The following JAKMIP3 variants were observed in gnomAD, a reference collection of about 807,000 sequenced individuals.
The protein encoded by JAKMIP3 is Janus kinase and microtubule interacting protein 3, also known as janus kinase and microtubule-interacting protein 3.
In JAKMIP3, 58 loss-of-function variants were observed where a neutral mutation model predicts 118.5. The ratio of observed to expected loss-of-function variants is 0.49; its 90% CI spans 0.40 to 0.61. The LOEUF (loss-of-function observed/expected upper bound fraction) is 0.61. JAKMIP3 is among the 20% of genes least tolerant of loss of function. JAKMIP3 has a pLI of 0.00. For missense variants in JAKMIP3, 950 were observed against 1,109.0 expected (o/e 0.86, Z 2.04); for synonymous variants, 486 against 451.2 (o/e 1.08, Z -0.98).
chr10:132,152,184 C>T (rs1022268760), intron 16 of JAKMIP3, among the ~76,000 whole-genome samples: 1 of 152,186 alleles, frequency 6.6e-6, no homozygotes, highest in Non-Finnish European at 1.5e-5. Context: ...CAGACTGAGC[C>T]TGACTCCCCC....
At chr10:132,057,485 T>C (rs7075825) in intron 1 of JAKMIP3, among the ~76,000 whole-genome samples, 144,858 of 152,312 alleles carry the variant, frequency 0.95, 68,969 homozygotes, top group East Asian at 1. Flanking sequence ...GAAGGATAAA[T>C]GTGGGATGCT....
chr10:132,096,700 TC>T (rs2043912963), intron 1 of JAKMIP3, among the ~76,000 whole-genome samples: 1 of 152,208 alleles, frequency 6.6e-6, no homozygotes, highest in African/African-American at 2.4e-5. Context: ...GACATACTTT[TC>T]CCTGCTCCCC....
At chr10:132,047,883 C>G (rs2037972080) in intron 1 of JAKMIP3, among the ~76,000 whole-genome samples, 1 of 152,164 alleles carries the variant, frequency 6.6e-6, no homozygotes, top group Admixed American at 6.5e-5. Context: ...CCCGCCCCGC[C>G]CCCCGCGAGC....
chr10:132,038,884 G>T (rs1396217409), intron 1 of JAKMIP3, among the ~76,000 whole-genome samples: 8 of 151,960 alleles, frequency 5.3e-5, no homozygotes, highest in Non-Finnish European at 1.0e-4. Context: ...GGGTGTGGGT[G>T]TCCCCCTGTT....
chr10:132,163,314 G>A lies in JAKMIP3; in HGVS notation c.2326G>A (p.Ala776Thr). Residue 776 changes from alanine to threonine, a missense_variant, in exon 20 of 24, where the codon GCC becomes ACC. Coordinates refer to ENST00000684848, the MANE Select transcript of JAKMIP3 (RefSeq NM_001323087.2). ...SEEEREKLKV[A>T]VEQWKRQVMS... ...GGAGGAGCGCGAGAAGCTCAAGGTG[G>A]CCGTGGAGCAGTGGAAGCGCCAGGT... 6.2e-7 allele frequency: 1 copy of A among 1,608,832 alleles called. No individual in the cohort carries two copies. Among genetic ancestry groups the A allele is most frequent in the Non-Finnish European group, 8.5e-7 (1 of 1,178,864 alleles).
chr10:132,141,222 A>G (rs1486340530), intron 10 of JAKMIP3, among the ~76,000 whole-genome samples: 1 of 152,198 alleles, frequency 6.6e-6, no homozygotes, highest in Non-Finnish European at 1.5e-5. Context: ...CCCAATGGCC[A>G]TAGACCTGTT....
At chr10:132,176,769 C>A (rs1359493244) in intron 23 of JAKMIP3, among the ~76,000 whole-genome samples, 2 of 151,994 alleles carry the variant, frequency 1.3e-5, no homozygotes, top group Non-Finnish European at 2.9e-5. Context: ...TTTACCTCCC[C>A]TCTGGTGGAC....
intron 3 of JAKMIP3, among the ~76,000 whole-genome samples, chr10:132,132,455 C>T (rs763464731): frequency 2.6e-5 from 4 of 152,060 alleles, no homozygotes; most frequent in Non-Finnish European, 4.4e-5. Context: ...CATTCCTGCC[C>T]GGAAGCGGGG....
At chr10:132,122,637 G>T (rs550559087) in intron 3 of JAKMIP3, among the ~76,000 whole-genome samples, 3 of 152,378 alleles carry the variant, frequency 2.0e-5, no homozygotes, top group Admixed American at 2.0e-4. Context: ...GAGGGCTCAG[G>T]GTCTCAGAGA....
intron 1 of JAKMIP3, among the ~76,000 whole-genome samples, chr10:132,085,465 T>G (rs1589776254): frequency 6.6e-6 from 1 of 152,132 alleles, no homozygotes; most frequent in Non-Finnish European, 1.5e-5. Flanking sequence ...TCTTCTTTTC[T>G]TGGTTAATCT....
intron 2 of JAKMIP3, among the ~76,000 whole-genome samples, chr10:132,109,069 C>CACAT (rs1256132799): frequency 1.5e-3 from 2 of 1,342 alleles, no homozygotes; most frequent in African/African-American, 2.1e-3. Flanking sequence ...CACATATACA[C>CACAT]ACATACACAT....
At chr10:132,120,781 T>TA in intron 3 of JAKMIP3, among the ~76,000 whole-genome samples, 1 of 152,196 alleles carries the variant, frequency 6.6e-6, no homozygotes, top group East Asian at 1.9e-4. Context: ...TCTTCTCTTT[T>TA]AAGGCCGTCA....
At chr10:132,070,578 C>T (rs2039685365) in intron 1 of JAKMIP3, among the ~76,000 whole-genome samples, 1 of 152,152 alleles carries the variant, frequency 6.6e-6, no homozygotes, top group African/African-American at 2.4e-5. Context: ...TGACCCTCTT[C>T]CTTTTATGTA....
At chr10:132,109,085 T>TATAC (rs2046410948) in intron 2 of JAKMIP3, among the ~76,000 whole-genome samples, 1 of 128,830 alleles carries the variant, frequency 7.8e-6, no homozygotes, top group South Asian at 2.3e-4. Flanking sequence ...CACATATATA[T>TATAC]ACACACACAT....
intron 1 of JAKMIP3, among the ~76,000 whole-genome samples, chr10:132,074,062 G>GT (rs1006523459): frequency 6.6e-5 from 10 of 151,962 alleles, no homozygotes; most frequent in Non-Finnish European, 1.3e-4. Context: ...GTTTTGTTTT[G>GT]TTTTTTTGAG....
At chr10:132,089,926 T>C (rs1294110394) in intron 1 of JAKMIP3, among the ~76,000 whole-genome samples, 2 of 152,232 alleles carry the variant, frequency 1.3e-5, no homozygotes, top group Non-Finnish European at 2.9e-5. Context: ...GAAGGGCTGT[T>C]GAATTTTGTC....
intron 1 of JAKMIP3, among the ~76,000 whole-genome samples, chr10:132,080,932 T>G (rs2041686589): frequency 6.6e-6 from 1 of 152,232 alleles, no homozygotes; most frequent in South Asian, 2.1e-4. Flanking sequence ...TTATGCCCTG[T>G]GATGCACAAA....
chr10:132,122,410 C>T (rs562688173), intron 3 of JAKMIP3, among the ~76,000 whole-genome samples: 1 of 152,274 alleles, frequency 6.6e-6, no homozygotes, highest in African/African-American at 2.4e-5. Flanking sequence ...TGGGTGCCAA[C>T]GGGAGGCTGT....
At chr10:132,108,879 A>G (rs36127837) in intron 2 of JAKMIP3, among the ~76,000 whole-genome samples, 27,070 of 103,992 alleles carry the variant, frequency 0.26, 4,019 homozygotes, top group East Asian at 0.35. Flanking sequence ...AATTATATAC[A>G]CAAATGTATA....
Sources: allele counts gnomAD v4.1 joint callset (sites outside exome capture counted in the v4.1 genomes callset), GRCh38; gene constraint gnomAD v4.1.1; transcripts MANE v1.5; gene names NCBI Gene and HGNC (gene_info 2026-07-23, HGNC 2026-07-21).